Variants in PLD5 observed in about 807,000 individuals in gnomAD.
PLD5 encodes the protein inactive phospholipase D5.
A neutral mutation model predicts 61.1 loss-of-function variants in PLD5; 36 were observed. That is an observed-to-expected ratio of 0.59 (90% CI 0.45 to 0.78). PLD5 has a LOEUF of 0.78. Among genes scored for constraint, PLD5 ranks in the 30% least tolerant of loss-of-function variants. The pLI, the probability that PLD5 is intolerant of heterozygous loss-of-function variation, is 0.00. For missense variants in PLD5, 515 were observed against 644.4 expected (o/e 0.80, Z 2.17); for synonymous variants, 243 against 242.8 (o/e 1.00, Z -0.01).
intron 8 of PLD5, among the ~76,000 whole-genome samples, chr1:242,106,524 C>T (rs1404527494): frequency 1.3e-5 from 2 of 152,170 alleles, no homozygotes; most frequent in African/African-American, 4.8e-5. Flanking sequence ...ATAAGCCTCC[C>T]TGGCCATTAG....
chr1:242,394,618 A>G (rs563848063), intron 1 of PLD5, among the ~76,000 whole-genome samples: 1 of 21,722 alleles, frequency 4.6e-5, no homozygotes, highest in Non-Finnish European at 7.3e-5. Flanking sequence ...GAACATATAT[A>G]TGTGTATATA....
At chr1:242,387,949 C>A (rs1662696144) in intron 1 of PLD5, among the ~76,000 whole-genome samples, 1 of 152,044 alleles carries the variant, frequency 6.6e-6, no homozygotes, top group East Asian at 1.9e-4. Context: ...CACAAAAGAT[C>A]CCACAGAAAG....
intron 6 of PLD5, among the ~76,000 whole-genome samples, chr1:242,120,632 T>C (rs1196573910): frequency 1.3e-5 from 2 of 152,192 alleles, no homozygotes; most frequent in African/African-American, 4.8e-5. Context: ...CATCTCCATA[T>C]ACATGGCTGA....
At chr1:242,237,808 CA>C (rs555658659) in intron 4 of PLD5, among the ~76,000 whole-genome samples, 32 of 152,160 alleles carry the variant, frequency 2.1e-4, no homozygotes, top group Non-Finnish European at 3.7e-4. Flanking sequence ...TTTATTAAAA[CA>C]AAACAAGATT....
chr1:242,397,851 A>G (rs570764324), intron 1 of PLD5, among the ~76,000 whole-genome samples: 11 of 151,544 alleles, frequency 7.3e-5, no homozygotes, highest in African/African-American at 2.4e-4. Context: ...ATGTATATGA[A>G]TATTTACACT....
Position 242,089,405 on chromosome 1 carries a change from G to GA in PLD5, c.*448dup. On this transcript the variant is annotated 3_prime_UTR_variant, in exon 10 of 10. Coordinates refer to ENST00000536534, the MANE Select transcript of PLD5 (RefSeq NM_001372062.1). ...AGCTGACTGTGTAGGTCTTGGAGAC[G>GA]ATTTACAAGAATAAACACTTGGTTT... 2.2e-5 allele frequency: 9 copies of GA among 401,666 alleles called. No individual in the cohort carries two copies. Among genetic ancestry groups the GA allele is most frequent in the Admixed American group, 4.3e-5 (1 of 23,420 alleles). 24.9% of individuals were successfully genotyped at this position (401,666 alleles called of 1,614,324 possible).
At position 242,205,120 on chromosome 1, in the gene PLD5, C is replaced by A. The variant is rs112451204; in HGVS notation, c.735+14868G>T. On this transcript the variant is annotated intron_variant, in intron 5 of 9. Coordinates refer to ENST00000536534, the MANE Select transcript of PLD5 (RefSeq NM_001372062.1). ...GTCATATAAGCAAGTCTCAGACTAT[C>A]ATGCCATTTAGAACATATTCAGGAA... 6.6e-5 allele frequency among the ~76,000 whole-genome samples: 10 copies of A among 152,306 alleles called. 1 individual carries two copies. The highest frequency in any genetic ancestry group is 2.4e-4 in the African/African-American group (10 of 41,562).
At chr1:242,520,322 G>A (rs1038980343) in intron 1 of PLD5, among the ~76,000 whole-genome samples, 6 of 152,174 alleles carry the variant, frequency 3.9e-5, no homozygotes, top group Non-Finnish European at 7.3e-5. Context: ...GAGGTGGAAA[G>A]TATACTTTCG....
chr1:242,210,819 A>T (rs1669764916), intron 5 of PLD5: 1 of 152,232 alleles, frequency 6.6e-6, no homozygotes. Flanking sequence ...AAAAGCTTTT[A>T]TTGCTCACAC....
chr1:242,453,222 C>T (rs1666843848), intron 1 of PLD5, among the ~76,000 whole-genome samples: 2 of 152,146 alleles, frequency 1.3e-5, no homozygotes, highest in Admixed American at 6.5e-5. Flanking sequence ...CAGGTGAGGA[C>T]ACAGGGAGAA....
chr1:242,524,504 A>G lies in PLD5; in HGVS notation c.-228T>C. On this transcript the variant is annotated 5_prime_UTR_variant, in exon 1 of 10. Transcript: ENST00000536534. ...ATCGCGGGAGGCGCGGGGCGGAAGG[A>G]GGGAGGGCGAGGTGCGGGCGGGGGC... 1 of 44,488 alleles carries G rather than the reference A, an allele frequency of 2.2e-5. No individual in the cohort carries two copies. The highest frequency in any genetic ancestry group is 4.3e-5 in the Non-Finnish European group (1 of 23,376). The allele number at this position is 44,488 out of a possible 1,614,324, so 2.8% of individuals were successfully genotyped here.
At chr1:242,248,242 T>C (rs1304631244) in intron 4 of PLD5, among the ~76,000 whole-genome samples, 1 of 152,238 alleles carries the variant, frequency 6.6e-6, no homozygotes, top group African/African-American at 2.4e-5. Flanking sequence ...ACAGCAATCA[T>C]GTTGTAACTC....
At chr1:242,519,746 C>A (rs963089772) in intron 1 of PLD5, among the ~76,000 whole-genome samples, 1 of 152,144 alleles carries the variant, frequency 6.6e-6, no homozygotes, top group Non-Finnish European at 1.5e-5. Context: ...AAGAGTCAGG[C>A]CCCCAGATGA....
intron 1 of PLD5, among the ~76,000 whole-genome samples, chr1:242,512,583 T>C (rs1668962441): frequency 6.6e-6 from 1 of 151,992 alleles, no homozygotes; most frequent in Non-Finnish European, 1.5e-5. Context: ...TCAGGAAAAA[T>C]TTAAAAAGTT....
At chr1:242,495,905 A>C (rs894989032) in intron 1 of PLD5, among the ~76,000 whole-genome samples, 5 of 152,368 alleles carry the variant, frequency 3.3e-5, no homozygotes, top group African/African-American at 9.6e-5. Flanking sequence ...TAATAACAAG[A>C]GGTCCTAACC....
At chr1:242,164,924 ACCTTCCAC>A (rs1284970221) in intron 5 of PLD5, among the ~76,000 whole-genome samples, 2 of 152,216 alleles carry the variant, frequency 1.3e-5, no homozygotes, top group East Asian at 1.9e-4. Flanking sequence ...ATTGTTCATA[ACCTTCCAC>A]CCTTCCACAG....
In PLD5 at chr1:242,130,886, C is replaced by CTT. The variant is rs146028214; in HGVS notation, c.736-6223_736-6222dup. ...ATTATTCTTTGGAAGAGATCGATTT[C>CTT]TTTTTTTTTACAAAGTGGGCATATT... On this transcript the variant is annotated intron_variant, in intron 5 of 9. Coordinates refer to ENST00000536534, the MANE Select transcript of PLD5 (RefSeq NM_001372062.1). Among the ~76,000 whole-genome samples the CTT allele has an allele frequency of 3.2e-3, 484 of 151,594 alleles. 16 individuals carry two copies. The East Asian group carries it at 0.061, about 19-fold the overall frequency.
intron 2 of PLD5, among the ~76,000 whole-genome samples, chr1:242,307,106 G>T (rs1457307799): frequency 6.6e-6 from 1 of 152,144 alleles, no homozygotes; most frequent in Non-Finnish European, 1.5e-5. Flanking sequence ...TGTGCTTGTG[G>T]TCTGGACACA....
chr1:242,092,685 G>A (rs1574277514), intron 9 of PLD5, among the ~76,000 whole-genome samples: 1 of 152,218 alleles, frequency 6.6e-6, no homozygotes. Context: ...GTCTCCCTGG[G>A]CACCCCTGGC....
Sources: allele counts gnomAD v4.1 joint callset (sites outside exome capture counted in the v4.1 genomes callset), GRCh38; gene constraint gnomAD v4.1.1; transcripts MANE v1.5; gene names NCBI Gene and HGNC (gene_info 2026-07-23, HGNC 2026-07-21).